NLRC5: variants seen among roughly 807,000 people sequenced by gnomAD.
The protein encoded by NLRC5 is protein NLRC5.
In NLRC5, 114 loss-of-function variants were observed where a neutral mutation model predicts 206.9. That is an observed-to-expected ratio of 0.55 (90% CI 0.47 to 0.64). The LOEUF (loss-of-function observed/expected upper bound fraction) is 0.64, where lower values mean the gene tolerates loss of function less well. Among genes scored for constraint, NLRC5 ranks in the 30% least tolerant of loss-of-function variants. The pLI is 0.00. For synonymous variants in NLRC5, 952 were observed against 962.8 expected (o/e 0.99, Z 0.21); for missense variants, 2,008 against 2,305.5 (o/e 0.87, Z 2.64).
Position 57,061,452 on chromosome 16 carries a change from A to G in NLRC5, c.3991A>G (p.Ser1331Gly). 6.2e-7 allele frequency: 1 copy of G among 1,611,276 alleles called. No individual in the cohort carries two copies. The highest frequency in any genetic ancestry group is 8.5e-7 in the Non-Finnish European group (1 of 1,179,976). The change falls in exon 31 of 49, where the codon AGT becomes GGT. Residue 1331 changes from serine to glycine, a missense_variant. Transcript: ENST00000688547. The stretch of plus-strand genomic sequence containing the variant: ...GCCCTGGCTTTCTGCCCTCAGGCTA[A>G]GTGAGTGCAGCTTCCGGCCAGAGCA... Reference protein sequence around the residue: ...EDQAGKTLRLSECSFRPEHVS... With the variant: ...EDQAGKTLRLGECSFRPEHVS...
Position 57,081,718 on chromosome 16 carries a change from A to G in NLRC5, c.5489+108A>G. The G allele has an allele frequency of 1.2e-5, 11 of 939,436 alleles. No individual in the cohort carries two copies. In the South Asian group the frequency reaches 1.3e-4, roughly 11 times the overall value. The allele number at this position is 939,436 out of a possible 1,614,324, so 58.2% of individuals were successfully genotyped here. Reference sequence around the variant, plus strand: ...GGCAGGGCCTGGGCTGGGGATTATCAAAGGAGACTTGGACCACTCCACCAA... The same window carrying G: ...GGCAGGGCCTGGGCTGGGGATTATCGAAGGAGACTTGGACCACTCCACCAA... On this transcript the variant is annotated intron_variant, in intron 48 of 48. Transcript: ENST00000688547.
chr16:57,029,232 C>T (rs1358637750), intron 8 of NLRC5, among the ~76,000 whole-genome samples: 1 of 152,310 alleles, frequency 6.6e-6, no homozygotes, highest in African/African-American at 2.4e-5. Context: ...TCATCACCCA[C>T]CATTGTTCTT....
chr16:56,999,637 G>A (rs2058027356), intron 1 of NLRC5, among the ~76,000 whole-genome samples: 1 of 152,258 alleles, frequency 6.6e-6, no homozygotes, highest in Non-Finnish European at 1.5e-5. Flanking sequence ...GTTGGGGCAC[G>A]AGGTGCCAAG....
At chr16:57,053,443 T>C (rs920841038) in intron 24 of NLRC5, among the ~76,000 whole-genome samples, 4 of 151,786 alleles carry the variant, frequency 2.6e-5, no homozygotes, top group African/African-American at 4.8e-5. Flanking sequence ...TGGGCTCGGG[T>C]TGGGTTGCAT....
intron 1 of NLRC5, among the ~76,000 whole-genome samples, chr16:57,003,049 G>GTTTT (rs1210872285): frequency 6.9e-6 from 1 of 145,568 alleles, no homozygotes; most frequent in Non-Finnish European, 1.5e-5. Context: ...AGATTGAGGT[G>GTTTT]TTTGTTTGTT....
Position 57,044,334 on chromosome 16 carries a change from G to A in NLRC5, c.3203+730G>A, listed in dbSNP as rs1597331946. 5.3e-5 allele frequency among the ~76,000 whole-genome samples: 8 copies of A among 151,850 alleles called. No homozygotes were observed. The South Asian group carries it at 1.5e-3, about 28-fold the overall frequency. ...AAAAAAAGAAAAGAAAAGAAAACTG[G>A]GAGCTTCCTAGTTGCCACTGGGGAC... On this transcript the variant is annotated intron_variant, in intron 20 of 48. Transcript: ENST00000688547.
rs1441113730 is a variant in NLRC5 at position 57,053,506 on chromosome 16, AG to A, written c.3507-1242del. On this transcript the variant is annotated intron_variant, in intron 24 of 48. Coordinates refer to ENST00000688547, the MANE Select transcript of NLRC5 (RefSeq NM_001384950.1). The stretch of plus-strand genomic sequence containing the variant: ...AGACTTTTGTTCCTGGGAACATGAA[AG>A]GGAGAGGAATAATTTGGGTTTTCTT... 2.0e-5 allele frequency among the ~76,000 whole-genome samples: 3 copies of A among 152,258 alleles called. No individual in the cohort carries two copies. In the East Asian group the frequency reaches 5.8e-4, roughly 29 times the overall value.
intron 4 of NLRC5, among the ~76,000 whole-genome samples, chr16:57,023,580 A>G (rs984578494): frequency 1.5e-4 from 23 of 152,118 alleles, no homozygotes; most frequent in African/African-American, 4.6e-4. Flanking sequence ...CCACCTTCCA[A>G]TGGGGGTGCC....
In NLRC5 at chr16:57,046,691, C is replaced by T. The variant is rs199475992; in HGVS notation, c.3338+50C>T. 59 of 1,475,816 alleles carry T rather than the reference C, an allele frequency of 4.0e-5. 1 individual carries two copies. Among genetic ancestry groups the T allele is most frequent in the African/African-American group, 3.5e-4 (25 of 72,100 alleles). The allele number at this position is 1,475,816 out of a possible 1,614,324, so 91.4% of individuals were successfully genotyped here. A position where few individuals can be genotyped will look rare whatever the true frequency, so the allele number is the denominator to read the frequency against. Reference sequence around the variant, plus strand: ...GGGGGTAACCATAATAGGGATGAGGCGTCAGAGGGGGCAGAGCTGGCAGGG... The same window carrying T: ...GGGGGTAACCATAATAGGGATGAGGTGTCAGAGGGGGCAGAGCTGGCAGGG... On this transcript the variant is annotated intron_variant, in intron 22 of 48. Coordinates refer to ENST00000688547, the MANE Select transcript of NLRC5 (RefSeq NM_001384950.1).
chr16:56,994,738 C>CA (rs1280451618), intron 1 of NLRC5, among the ~76,000 whole-genome samples: 1 of 151,208 alleles, frequency 6.6e-6, no homozygotes, highest in African/African-American at 2.4e-5. Context: ...TGGCAAGAAA[C>CA]AAAAAAGTGG....
chr16:57,021,762 C>G (rs2060695794), intron 3 of NLRC5, among the ~76,000 whole-genome samples: 1 of 152,164 alleles, frequency 6.6e-6, no homozygotes, highest in African/African-American at 2.4e-5. Context: ...GTGGGGATTT[C>G]TTGGGCACCT....
chr16:57,027,095 C>T (rs1435530927), intron 6 of NLRC5, 77 bp downstream of exon 6: 1 of 1,498,500 alleles, frequency 6.7e-7, no homozygotes, highest in Non-Finnish European at 9.0e-7. Context: ...TAGCAAACCT[C>T]TGCCAAGAGG....
chr16:57,028,072 C>A lies in NLRC5; in HGVS notation c.2076C>A (p.Ser692Arg), dbSNP rs756691482. The change falls in exon 7 of 49, where the codon AGC (serine) becomes AGA (arginine). Residue 692 changes from serine (S) to arginine (R), a missense_variant and splice_region_variant. By Grantham distance (110) the Ser-to-Arg change is moderately radical (BLOSUM62 -1). Coordinates refer to ENST00000688547, the MANE Select transcript of NLRC5 (RefSeq NM_001384950.1). ...GACACTTCGCTTCTTCTTATGGCAG[C>A]TTTAAGAGCAGGAAGTGTGGGGATG... ...LVGCGQIENLSFKSRKCGDAF... is the reference protein window; with the variant it reads ...LVGCGQIENLRFKSRKCGDAF... 3 of 1,612,144 alleles carry A rather than the reference C, an allele frequency of 1.9e-6. No individual in the cohort carries two copies. The highest frequency in any genetic ancestry group is 1.7e-5 in the Admixed American group (1 of 59,922).
intron 1 of NLRC5, among the ~76,000 whole-genome samples, chr16:57,003,684 C>T (rs1318445451): frequency 6.6e-6 from 1 of 152,096 alleles, no homozygotes; most frequent in Admixed American, 6.5e-5. Context: ...TCTATCATCA[C>T]GCTCCAGTTC....
intron 39 of NLRC5, among the ~76,000 whole-genome samples, chr16:57,075,613 G>C (rs1170015809): frequency 3.3e-5 from 5 of 152,104 alleles, no homozygotes; most frequent in Admixed American, 6.5e-5. Flanking sequence ...ACTCAGATGG[G>C]GTGGCCTTCC....
At chr16:57,047,914 A>G (rs1178770747) in intron 23 of NLRC5, 7 of 444,500 alleles carry the variant, frequency 1.6e-5, no homozygotes, top group East Asian at 1.1e-4. Flanking sequence ...TCCACCTCCA[A>G]CCCCACCCCT....
At chr16:57,013,358 A>C (rs1466647969) in intron 1 of NLRC5, 1 of 635,346 alleles carries the variant, frequency 1.6e-6, no homozygotes, top group East Asian at 2.8e-5. Flanking sequence ...ACTTCCTTCA[A>C]AGTCAGTAAA....
intron 32 of NLRC5, among the ~76,000 whole-genome samples, chr16:57,063,884 G>A (rs1324873862): frequency 6.6e-6 from 1 of 151,826 alleles, no homozygotes; most frequent in Non-Finnish European, 1.5e-5. Context: ...GACTACAGGT[G>A]CCCGCCACCA....
At chr16:57,001,184 C>A (rs1442963831) in intron 1 of NLRC5, among the ~76,000 whole-genome samples, 1 of 152,168 alleles carries the variant, frequency 6.6e-6, no homozygotes, top group African/African-American at 2.4e-5. Context: ...TCAGGTCCTC[C>A]CCCAGGGTCC....
Sources: gnomAD v4.1 joint callset for allele counts (sites outside exome capture counted in the v4.1 genomes callset) on GRCh38, gnomAD v4.1.1 for gene constraint, MANE v1.5 for transcripts, NCBI Gene and HGNC (gene_info 2026-07-23, HGNC 2026-07-21) for gene names.